The following LRRN3 variants were observed in gnomAD, a reference collection of about 807,000 sequenced individuals.
The protein encoded by LRRN3 is leucine rich repeat neuronal 3.
LRRN3 carries 15 observed loss-of-function variants against 40.1 expected under a neutral mutation model. The observed-to-expected ratio is 0.37, with a 90% CI of 0.25 to 0.58. The LOEUF (loss-of-function observed/expected upper bound fraction) is 0.58, where lower values mean the gene tolerates loss of function less well. Among genes scored for constraint, LRRN3 ranks in the 20% least tolerant of loss-of-function variants. LRRN3 has a pLI of 0.72. For synonymous variants in LRRN3, 308 were observed against 297.2 expected (o/e 1.04, Z -0.37); for missense variants, 746 against 837.7 (o/e 0.89, Z 1.35).
At chr7:111,094,592 T>C (rs1296795324) in intron 1 of LRRN3, among the ~76,000 whole-genome samples, 2 of 152,178 alleles carry the variant, frequency 1.3e-5, no homozygotes, top group Non-Finnish European at 2.9e-5. Flanking sequence ...ATCTTGTCAG[T>C]GCTGTCAAAG....
At chr7:111,111,688 G>A (rs939809699) in intron 2 of LRRN3, among the ~76,000 whole-genome samples, 11 of 151,864 alleles carry the variant, frequency 7.2e-5, no homozygotes, top group Non-Finnish European at 1.3e-4. Flanking sequence ...AATTTTAAAT[G>A]AATTCAAGGG....
At position 111,124,965 on chromosome 7, in the gene LRRN3, C is replaced by G. The variant is rs1221176668; in HGVS notation, c.*66C>G. 10 of 1,124,334 alleles carry G rather than the reference C, an allele frequency of 8.9e-6. No homozygotes were observed. Among genetic ancestry groups the G allele is most frequent in the Non-Finnish European group, 1.3e-5 (10 of 798,884 alleles). The allele number at this position is 1,124,334 out of a possible 1,614,324, so 69.6% of individuals were successfully genotyped here. On this transcript the variant is annotated 3_prime_UTR_variant, in exon 3 of 3. Transcript: ENST00000308478. ...AAAAAAGCGAAAGACTGCAGTTGTGCTAAAAACAAAACAAAACAAACAAAC... is the reference window on the plus strand; with the variant it reads ...AAAAAAGCGAAAGACTGCAGTTGTGGTAAAAACAAAACAAAACAAACAAAC...
intron 2 of LRRN3, among the ~76,000 whole-genome samples, chr7:111,119,329 A>T: frequency 6.6e-6 from 1 of 152,198 alleles, no homozygotes; most frequent in East Asian, 1.9e-4. Context: ...ACGGAATTGT[A>T]ACCATCTGTT....
intron 2 of LRRN3, among the ~76,000 whole-genome samples, chr7:111,104,961 T>C (rs770552529): frequency 2.6e-5 from 4 of 151,564 alleles, no homozygotes; most frequent in Non-Finnish European, 5.9e-5. Context: ...GTTCCAAATA[T>C]AATGGCTGTT....
At chr7:111,113,416 C>T (rs997144521) in intron 2 of LRRN3, among the ~76,000 whole-genome samples, 3 of 151,824 alleles carry the variant, frequency 2.0e-5, no homozygotes, top group African/African-American at 7.3e-5. Flanking sequence ...TCTATCATGT[C>T]CTCCCATGTA....
At chr7:111,091,702 A>C (rs1425976181) in intron 1 of LRRN3, among the ~76,000 whole-genome samples, 198 bp downstream of exon 1, 1 of 151,968 alleles carries the variant, frequency 6.6e-6, no homozygotes, top group Non-Finnish European at 1.5e-5. Context: ...TGTGTTTGTG[A>C]GATTCTCCAA....
At chr7:111,108,306 C>G (rs1054083438) in intron 2 of LRRN3, among the ~76,000 whole-genome samples, 1 of 152,100 alleles carries the variant, frequency 6.6e-6, no homozygotes, top group Non-Finnish European at 1.5e-5. Flanking sequence ...GTTGTTGATA[C>G]AGCTTTTTAC....
intron 2 of LRRN3, among the ~76,000 whole-genome samples, chr7:111,117,394 A>G (rs551392157): frequency 5.8e-4 from 88 of 152,214 alleles, no homozygotes; most frequent in Non-Finnish European, 8.5e-4. Context: ...CCCCAGTTAC[A>G]AAATCATCCA....
rs1006673021 is a variant in LRRN3 at position 111,091,189 on chromosome 7, T to C, written c.-756T>C. 6.6e-6 allele frequency: 1 copy of C among 151,928 alleles called. No homozygotes were observed. The highest frequency in any genetic ancestry group is 1.5e-5 in the Non-Finnish European group (1 of 67,972). 9.4% of individuals were successfully genotyped at this position (151,928 alleles called of 1,614,324 possible). A position where few individuals can be genotyped will look rare whatever the true frequency, so the allele number is the denominator to read the frequency against. ...TAACCACCATGGAAACAAGGAAAAA[T>C]AAAGCCAGCTCACAGGATCTCTCTT... On this transcript the variant is annotated 5_prime_UTR_variant, in exon 1 of 3. Coordinates refer to ENST00000308478, the MANE Select transcript of LRRN3 (RefSeq NM_001099658.2).
chr7:111,123,095 C>T lies in LRRN3; in HGVS notation c.323C>T (p.Thr108Ile). The T allele has an allele frequency of 6.2e-7, 1 of 1,613,612 alleles. No individual in the cohort carries two copies. Among genetic ancestry groups the T allele is most frequent in the South Asian group, 1.1e-5 (1 of 91,074 alleles). Residue 108 changes from threonine (T) to isoleucine (I), a missense_variant, in exon 3 of 3, where the codon ACC becomes ATC. Coordinates refer to ENST00000308478, the MANE Select transcript of LRRN3 (RefSeq NM_001099658.2). This position sits in a 1 kb window ranked among gnomAD's most constrained non-coding sequence, Gnocchi z 6.4. ...DLSQNNLSSV[T>I]NINVKKMPQL... is the part of the protein sequence containing the mutation. ...TCTCAAAACAATTTATCTTCAGTCA[C>T]CAATATTAATGTAAAAAAGATGCCT...
chr7:111,107,040 T>C (rs560628994), intron 2 of LRRN3, among the ~76,000 whole-genome samples: 1 of 152,072 alleles, frequency 6.6e-6, no homozygotes, highest in East Asian at 1.9e-4. Context: ...AAAGTTTCTA[T>C]TAAATCAGAG....
At chr7:111,113,404 T>C (rs998846830) in intron 2 of LRRN3, among the ~76,000 whole-genome samples, 2 of 152,150 alleles carry the variant, frequency 1.3e-5, no homozygotes, top group Non-Finnish European at 2.9e-5. Flanking sequence ...TTTGTATACA[T>C]GTCTATCATG....
At chr7:111,114,726 G>A (rs1358350775) in intron 2 of LRRN3, among the ~76,000 whole-genome samples, 1 of 130,090 alleles carries the variant, frequency 7.7e-6, no homozygotes, top group Non-Finnish European at 1.6e-5. Flanking sequence ...GGCAACAGGC[G>A]AGACTCCATC....
At chr7:111,100,156 T>A (rs1797819733) in intron 2 of LRRN3, among the ~76,000 whole-genome samples, 194 bp downstream of exon 2, 1 of 151,638 alleles carries the variant, frequency 6.6e-6, no homozygotes, top group Admixed American at 6.6e-5. Context: ...AATAGCTTTT[T>A]GGGAAACAGA....
In LRRN3 at chr7:111,124,828, G is replaced by T; in HGVS notation, c.2056G>T (p.Ala686Ser). Residue 686 changes from alanine (A) to serine (S), a missense_variant, in exon 3 of 3, where the codon GCA (alanine) becomes TCA (serine). Ala to Ser is a moderately conservative substitution (Grantham distance 99). Coordinates refer to ENST00000308478, the MANE Select transcript of LRRN3 (RefSeq NM_001099658.2). ...TCCTCCTCTGATAAATCTCTGGGAA[G>T]CAGGAAAAGAAAAAAGTACATCACT... is the stretch of plus-strand genomic sequence containing the variant. The part of the protein sequence containing the change: ...LYPPLINLWE[A>S]GKEKSTSLKV... 1 of 1,611,496 alleles carries T rather than the reference G, an allele frequency of 6.2e-7. No homozygotes were observed.
At chr7:111,106,953 T>C (rs1798615761) in intron 2 of LRRN3, among the ~76,000 whole-genome samples, 1 of 151,988 alleles carries the variant, frequency 6.6e-6, no homozygotes, top group Non-Finnish European at 1.5e-5. Context: ...TAATATGTTA[T>C]GCATGTATTC....
At chr7:111,091,851 G>A (rs1563232391) in intron 1 of LRRN3, among the ~76,000 whole-genome samples, 1 of 151,968 alleles carries the variant, frequency 6.6e-6, no homozygotes, top group African/African-American at 2.4e-5. Context: ...GGAGAGAGAA[G>A]GAGATGGGGA....
chr7:111,098,897 TTCTC>T (rs1356444597), intron 1 of LRRN3, among the ~76,000 whole-genome samples: 1 of 151,782 alleles, frequency 6.6e-6, no homozygotes, highest in African/African-American at 2.4e-5. Context: ...AAGAGTCAGA[TTCTC>T]TATCAAAATA....
intron 2 of LRRN3, among the ~76,000 whole-genome samples, chr7:111,112,252 C>T (rs1471117830): frequency 6.6e-6 from 1 of 152,072 alleles, no homozygotes; most frequent in African/African-American, 2.4e-5. Flanking sequence ...GCATGAGCCA[C>T]CACTCCTGGC....
Sources: gnomAD v4.1 joint callset for allele counts (sites outside exome capture counted in the v4.1 genomes callset) on GRCh38, gnomAD v4.1.1 for gene constraint, Gnocchi (gnomAD v3.1) non-coding constraint, MANE v1.5 for transcripts, NCBI Gene and HGNC (gene_info 2026-07-23, HGNC 2026-07-21) for gene names.